Variants in UTP4 observed in about 807,000 individuals in gnomAD.
UTP4 encodes the protein U3 small nucleolar RNA-associated protein 4 homolog.
Under a neutral mutation model 82.4 loss-of-function variants are expected in UTP4, and 45 were observed. The ratio of observed to expected loss-of-function variants is 0.55; its 90% CI spans 0.43 to 0.70. UTP4 has a LOEUF of 0.70. Ranked by LOEUF, UTP4 falls within the 30% of genes least tolerant of loss-of-function variation. The pLI is 0.00. For synonymous variants in UTP4, 348 were observed against 300.3 expected (o/e 1.16, Z -1.64); for missense variants, 819 against 858.3 (o/e 0.95, Z 0.57).
chr16:69,158,077 A>G (rs751096713), intron 12 of UTP4, among the ~76,000 whole-genome samples: 2 of 139,718 alleles, frequency 1.4e-5, no homozygotes, highest in Non-Finnish European at 3.0e-5. Flanking sequence ...GATACTTCCT[A>G]TGGGCCTTTC....
In UTP4 at chr16:69,133,552, G is replaced by A. The variant is rs994446961; in HGVS notation, c.93G>A (p.Leu31=). Residue 31 remains leucine, a synonymous_variant, in exon 2 of 17, where the codon TTG becomes TTA. Transcript: ENST00000314423. ...CVAYNNQSNR[L]AVSRTDGTVE... ...CTTACAATAACCAGTCAAACAGATT[G>A]GCTGTTTCACGAACAGATGGCACTG... 2.5e-6 allele frequency: 4 copies of A among 1,614,012 alleles called. No individual in the cohort carries two copies. The South Asian group carries it at 3.3e-5, about 13-fold the overall frequency.
chr16:69,139,571 G>A (rs974756927), intron 4 of UTP4: 7 of 158,992 alleles, frequency 4.4e-5, no homozygotes, highest in African/African-American at 9.7e-5. Flanking sequence ...CCTGGGAGGC[G>A]GAGGTTGCAG....
intron 2 of UTP4, among the ~76,000 whole-genome samples, chr16:69,135,385 A>G (rs1000307099): frequency 6.6e-6 from 1 of 151,908 alleles, no homozygotes; most frequent in African/African-American, 2.4e-5. Flanking sequence ...TAGCTCTGTC[A>G]GTGACTCTCA....
chr16:69,157,697 T>C (rs78949147), intron 12 of UTP4, among the ~76,000 whole-genome samples: 1 of 152,114 alleles, frequency 6.6e-6, no homozygotes, highest in African/African-American at 2.4e-5. Flanking sequence ...TGGGCTCAAG[T>C]TATCTTCCCA....
intron 13 of UTP4, among the ~76,000 whole-genome samples, chr16:69,160,665 C>T (rs563805855): frequency 1.3e-5 from 2 of 148,874 alleles, no homozygotes; most frequent in African/African-American, 2.5e-5. Context: ...GGCGCGATCT[C>T]GGCTCACTGC....
chr16:69,164,886 A>T (rs1963661200), intron 14 of UTP4, among the ~76,000 whole-genome samples: 1 of 152,074 alleles, frequency 6.6e-6, no homozygotes, highest in Admixed American at 6.6e-5. Flanking sequence ...GCTATGTATT[A>T]TGTGCATAAA....
intron 12 of UTP4, among the ~76,000 whole-genome samples, chr16:69,157,815 T>C (rs571490952): frequency 1.3e-5 from 2 of 151,510 alleles, no homozygotes; most frequent in African/African-American, 2.4e-5. Context: ...AAAGTTGGTC[T>C]TGAACTCCTG....
At chr16:69,159,408 T>G (rs564360920) in intron 12 of UTP4, among the ~76,000 whole-genome samples, 2 of 152,162 alleles carry the variant, frequency 1.3e-5, no homozygotes, top group South Asian at 4.1e-4. Flanking sequence ...TAAAAAAAAT[T>G]TAGGGGCCGG....
chr16:69,152,539 G>A (rs552360524), intron 8 of UTP4, among the ~76,000 whole-genome samples: 7 of 145,062 alleles, frequency 4.8e-5, no homozygotes, highest in Non-Finnish European at 1.0e-4. Flanking sequence ...GTGAAATCTC[G>A]GCTCACTGCA....
At chr16:69,137,038 C>T (rs1330318086) in intron 3 of UTP4, 151 bp downstream of exon 3, 8 of 742,128 alleles carry the variant, frequency 1.1e-5, no homozygotes, top group Non-Finnish European at 1.9e-5. Flanking sequence ...TTTTAAAAAT[C>T]CCCAGCATTC....
At position 69,154,416 on chromosome 16, in the gene UTP4, C is replaced by T; in HGVS notation, c.1123C>T (p.Leu375Phe). 1.2e-6 allele frequency: 2 copies of T among 1,612,850 alleles called. No homozygotes were observed. The highest frequency in any genetic ancestry group is 2.2e-5 in the South Asian group (2 of 91,036). The change falls in exon 10 of 17, where the codon CTC becomes TTC. Residue 375 changes from leucine to phenylalanine, a missense_variant. Physicochemically the swap from Leu to Phe is conservative, Grantham distance 22 (BLOSUM62 0). Coordinates refer to ENST00000314423, the MANE Select transcript of UTP4 (RefSeq NM_032830.3). ...AGGCAAGAATGGGGATACTCTTCCA[C>T]TCTCTAAAAATGCAGATCATTTACT... The part of the protein sequence containing the change: ...ATGKNGDTLP[L>F]SKNADHLLHL...
chr16:69,154,032 A>C (rs575634117), intron 9 of UTP4, among the ~76,000 whole-genome samples: 1 of 152,298 alleles, frequency 6.6e-6, no homozygotes, highest in Non-Finnish European at 1.5e-5. Context: ...TAGAAAAAGA[A>C]GATCACATGG....
At chr16:69,136,591 C>T (rs776175865) in intron 2 of UTP4, 105 bp from the exon 3 acceptor site, 1 of 1,040,020 alleles carries the variant, frequency 9.6e-7, no homozygotes, top group Admixed American at 1.7e-5. Flanking sequence ...AAACCCCACA[C>T]TAGTTATTTA....
At chr16:69,143,028 T>C (rs1963005521) in intron 5 of UTP4, 150 bp from the exon 6 acceptor site, 3 of 773,696 alleles carry the variant, frequency 3.9e-6, no homozygotes, top group South Asian at 1.4e-5. Flanking sequence ...GCGGGTTTGT[T>C]ATGTTGTTTC....
chr16:69,151,624 C>T (rs1442506130), intron 8 of UTP4, among the ~76,000 whole-genome samples: 2 of 136,762 alleles, frequency 1.5e-5, no homozygotes, highest in Non-Finnish European at 3.1e-5. Context: ...CCAGCCCCTG[C>T]CTTTTTTTTT....
intron 6 of UTP4, among the ~76,000 whole-genome samples, chr16:69,147,730 AG>A (rs2152279505): frequency 6.6e-6 from 1 of 152,278 alleles, no homozygotes. Flanking sequence ...TGATACACAT[AG>A]CCTGACGGTA....
chr16:69,148,479 G>C (rs180896968), intron 6 of UTP4, among the ~76,000 whole-genome samples: 1 of 151,934 alleles, frequency 6.6e-6, no homozygotes, highest in Non-Finnish European at 1.5e-5. Context: ...TGATCCGCCC[G>C]CCTCAGCCTC....
At chr16:69,146,956 C>T (rs1479157560) in intron 6 of UTP4, among the ~76,000 whole-genome samples, 4 of 145,482 alleles carry the variant, frequency 2.7e-5, no homozygotes, top group African/African-American at 7.7e-5. Context: ...TGAGTGCGAT[C>T]GCGCCACTGC....
At chr16:69,133,160 G>C (rs1467957853) in intron 1 of UTP4, 1 of 416,612 alleles carries the variant, frequency 2.4e-6, no homozygotes, top group Non-Finnish European at 4.5e-6. Context: ...CAATAGAGTT[G>C]AGGAGAGATG....
Sources: allele counts gnomAD v4.1 joint callset (sites outside exome capture counted in the v4.1 genomes callset), GRCh38; gene constraint gnomAD v4.1.1; transcripts MANE v1.5; gene names NCBI Gene and HGNC (gene_info 2026-07-23, HGNC 2026-07-21).